USP40: variants seen among roughly 807,000 people sequenced by gnomAD.
USP40 encodes ubiquitin specific peptidase 40.
Under a neutral mutation model 166.2 loss-of-function variants are expected in USP40, and 143 were observed. That is an observed-to-expected ratio of 0.86 (90% CI 0.75 to 0.99). USP40 has a LOEUF of 0.99. Ranked by LOEUF, USP40 falls within the 50% of genes least tolerant of loss-of-function variation. The pLI is 0.00. For missense variants in USP40, 1,444 were observed against 1,479.7 expected (o/e 0.98, Z 0.40); for synonymous variants, 498 against 524.0 (o/e 0.95, Z 0.68).
chr2:233,534,273 G>C (rs1005742066), intron 10 of USP40, among the ~76,000 whole-genome samples: 3 of 152,144 alleles, frequency 2.0e-5, no homozygotes, highest in Admixed American at 6.6e-5. Context: ...AAAGCTGGCA[G>C]ACAAGCTCAG....
chr2:233,490,355 A>G (rs1171298885), intron 26 of USP40, among the ~76,000 whole-genome samples: 1 of 150,260 alleles, frequency 6.7e-6, no homozygotes, highest in East Asian at 2.0e-4. Context: ...TACTTTTAGC[A>G]GAGACAGGGT....
At chr2:233,495,938 G>A (rs2065725601) in intron 24 of USP40, among the ~76,000 whole-genome samples, 1 of 152,168 alleles carries the variant, frequency 6.6e-6, no homozygotes, top group Non-Finnish European at 1.5e-5. Context: ...GTGAATAAAA[G>A]CAAACAAAAC....
At position 233,491,439 on chromosome 2, in the gene USP40, C is replaced by T. The variant is rs148968964; in HGVS notation, c.2918-178G>A. The T allele has an allele frequency of 7.6e-3, 4,608 of 608,478 alleles. 27 individuals carry two copies. The highest frequency in any genetic ancestry group is 9.7e-3 in the Non-Finnish European group (3,265 of 336,028). The allele number at this position is 608,478 out of a possible 1,614,324, so 37.7% of individuals were successfully genotyped here. A position where few individuals can be genotyped will look rare whatever the true frequency, so the allele number is the denominator to read the frequency against. On this transcript the variant is annotated intron_variant, in intron 25 of 31. Transcript: ENST00000678225. ...AGGTAAGCAGGCAGGGACATGTTGT[C>T]GGCAGACTCCCAAGAGGTCTGTGAC... is the stretch of plus-strand genomic sequence containing the variant.
At chr2:233,485,270 A>G (rs1009022747) in intron 30 of USP40, among the ~76,000 whole-genome samples, 3 of 152,132 alleles carry the variant, frequency 2.0e-5, no homozygotes, top group African/African-American at 7.2e-5. Flanking sequence ...ACTTGCTAGT[A>G]TTTTACTTAG....
chr2:233,534,995 T>C (rs2068835199), intron 10 of USP40, among the ~76,000 whole-genome samples: 1 of 152,148 alleles, frequency 6.6e-6, no homozygotes, highest in Non-Finnish European at 1.5e-5. Context: ...GAAGATATAA[T>C]ACTTCAAAGA....
intron 21 of USP40, among the ~76,000 whole-genome samples, chr2:233,505,753 T>C (rs1176651055): frequency 1.3e-5 from 2 of 152,108 alleles, no homozygotes; most frequent in Admixed American, 6.5e-5. Context: ...TTAAAGAATA[T>C]CAATTCTCCT....
intron 4 of USP40, among the ~76,000 whole-genome samples, chr2:233,559,383 TAACA>T (rs1368210702): frequency 3.9e-5 from 6 of 152,176 alleles, no homozygotes; most frequent in African/African-American, 4.8e-5. Flanking sequence ...ACAAAGCACA[TAACA>T]AACAAAGAAT....
rs1553558288 is a variant in USP40, at chr2:233,494,992, A to AAAATAAAT, written c.2791-1449_2791-1442dup. 4.1e-4 allele frequency among the ~76,000 whole-genome samples: 54 copies of AAAATAAAT among 132,346 alleles called. 1 individual carries two copies. Among genetic ancestry groups the AAAATAAAT allele is most frequent in the African/African-American group, 1.6e-3 (54 of 34,634 alleles). 86.8% of individuals were successfully genotyped at this position (132,346 alleles called of 152,430 possible). A position where few individuals can be genotyped will look rare whatever the true frequency, so the allele number is the denominator to read the frequency against. ...TATATATATATATACACACACATAA[A>AAAATAAAT]AAATAAATAAATAAATAAATATATA... On this transcript the variant is annotated intron_variant, in intron 24 of 31. Coordinates refer to ENST00000678225, the MANE Select transcript of USP40 (RefSeq NM_001365479.2).
At chr2:233,504,459 C>A (rs2066277079) in intron 21 of USP40, among the ~76,000 whole-genome samples, 1 of 151,768 alleles carries the variant, frequency 6.6e-6, no homozygotes, top group Non-Finnish European at 1.5e-5. Context: ...ATAGTCCATG[C>A]AAATAGAAAC....
intron 10 of USP40, among the ~76,000 whole-genome samples, chr2:233,539,631 A>G (rs570914541): frequency 1.3e-5 from 2 of 152,238 alleles, no homozygotes; most frequent in East Asian, 3.9e-4. Flanking sequence ...ATAATCAACA[A>G]TATAATTTGT....
chr2:233,518,510 T>C (rs996081239), intron 18 of USP40, among the ~76,000 whole-genome samples: 1 of 143,468 alleles, frequency 7.0e-6, no homozygotes, highest in Non-Finnish European at 1.5e-5. Context: ...GAGGTTGCAG[T>C]GAGCGGAGAT....
chr2:233,540,599 G>T, intron 10 of USP40, 63 bp downstream of exon 10: 1 of 991,418 alleles, frequency 1.0e-6, no homozygotes, highest in Non-Finnish European at 1.5e-6. Flanking sequence ...AGGAATTCAT[G>T]TTGTTGCGAT....
rs1313860712 is a variant in USP40 at position 233,477,232 on chromosome 2, A to G, written c.*160T>C. ...CCACGTGTTGCAGAGCTAAGTGACTACATGCACTGGCCAGGCCTCAGAGGA... is the reference window on the plus strand; with the variant it reads ...CCACGTGTTGCAGAGCTAAGTGACTGCATGCACTGGCCAGGCCTCAGAGGA... On this transcript the variant is annotated 3_prime_UTR_variant, in exon 32 of 32. Coordinates refer to ENST00000678225, the MANE Select transcript of USP40 (RefSeq NM_001365479.2). The G allele has an allele frequency of 2.9e-6, 2 of 700,798 alleles. No individual in the cohort carries two copies. The highest frequency in any genetic ancestry group is 2.8e-5 in the East Asian group (1 of 35,966). 43.4% of individuals were successfully genotyped at this position (700,798 alleles called of 1,614,324 possible). A position where few individuals can be genotyped will look rare whatever the true frequency, so the allele number is the denominator to read the frequency against.
At chr2:233,545,090 C>G (rs555267645) in intron 8 of USP40, among the ~76,000 whole-genome samples, 15 of 152,298 alleles carry the variant, frequency 9.8e-5, no homozygotes, top group Admixed American at 4.6e-4. Flanking sequence ...AAGAAGCCTA[C>G]AGTCCACAAT....
chr2:233,478,744 C>T (rs758823390), intron 31 of USP40, among the ~76,000 whole-genome samples: 1 of 152,204 alleles, frequency 6.6e-6, no homozygotes, highest in Non-Finnish European at 1.5e-5. Flanking sequence ...ACCACGCTCC[C>T]ACCATGAGAC....
intron 20 of USP40, among the ~76,000 whole-genome samples, chr2:233,511,350 A>G (rs1220135917): frequency 2.6e-5 from 4 of 152,314 alleles, no homozygotes; most frequent in East Asian, 1.9e-4. Context: ...AGTGCCAGCT[A>G]TAACTGCAGA....
rs1216604336 is a variant in USP40 at position 233,476,147 on chromosome 2, C to G, written c.*1245G>C. Reference sequence around the variant, plus strand: ...GGAGTATGAGGGACAAAGCAGGCCGCTGGCTCAGCATCAGCTTGTTGGAAA... The same window carrying G: ...GGAGTATGAGGGACAAAGCAGGCCGGTGGCTCAGCATCAGCTTGTTGGAAA... On this transcript the variant is annotated 3_prime_UTR_variant, in exon 32 of 32. Transcript: ENST00000678225. 1.3e-5 allele frequency: 2 copies of G among 152,424 alleles called. No homozygotes were observed. Among genetic ancestry groups the G allele is most frequent in the African/African-American group, 4.8e-5 (2 of 41,464 alleles). The allele number at this position is 152,424 out of a possible 1,614,324, so 9.4% of individuals were successfully genotyped here.
chr2:233,510,147 AC>A lies in USP40; in HGVS notation c.2527-13del, dbSNP rs751887136. ...AAAAACAGGAACAACTAATAACAAG[AC>A]AGATGTGTAAATGCAATTTAATCTG... On this transcript the variant is annotated splice_polypyrimidine_tract_variant and intron_variant, in intron 20 of 31. Coordinates refer to ENST00000678225, the MANE Select transcript of USP40 (RefSeq NM_001365479.2). 3.5e-5 allele frequency: 55 copies of A among 1,569,718 alleles called. 1 individual carries two copies. Among genetic ancestry groups the A allele is most frequent in the Middle Eastern group, 1.7e-4 (1 of 5,984 alleles).
chr2:233,529,549 A>C (rs371840882), intron 11 of USP40, 37 bp from the exon 12 acceptor site: 2 of 1,513,006 alleles, frequency 1.3e-6, no homozygotes, highest in Non-Finnish European at 1.8e-6. Flanking sequence ...GTGTTGGCTA[A>C]ATGAAATCTG....
Sources: gnomAD v4.1 joint callset for allele counts (sites outside exome capture counted in the v4.1 genomes callset) on GRCh38, gnomAD v4.1.1 for gene constraint, MANE v1.5 for transcripts, NCBI Gene and HGNC (gene_info 2026-07-23, HGNC 2026-07-21) for gene names.